The following CNTN4 variants were observed in gnomAD, a reference collection of about 807,000 sequenced individuals.
The protein encoded by CNTN4 is contactin-4.
In CNTN4, 77 loss-of-function variants were observed where a neutral mutation model predicts 122.5. That is an observed-to-expected ratio of 0.63 (90% CI 0.52 to 0.76). The LOEUF (loss-of-function observed/expected upper bound fraction) is 0.76. CNTN4 is among the 30% of genes least tolerant of loss of function. The pLI, the probability that CNTN4 is intolerant of heterozygous loss-of-function variation, is 0.00. For synonymous variants in CNTN4, 512 were observed against 447.0 expected, an observed-to-expected ratio of 1.15 and a Z score of -1.83; for missense variants, 1,256 against 1,259.1, an observed-to-expected ratio of 1.00 and a Z score of 0.04.
Position 3,037,289 on chromosome 3 carries a change from C to G in CNTN4, c.2053C>G (p.Pro685Ala). 2 of 1,614,102 alleles carry G rather than the reference C, an allele frequency of 1.2e-6. No individual in the cohort carries two copies. Among genetic ancestry groups the G allele is most frequent in the Non-Finnish European group, 1.7e-6 (2 of 1,180,026 alleles). The change falls in exon 18 of 25, where the codon CCC becomes GCC. Residue 685 changes from proline to alanine, a missense_variant. Coordinates refer to ENST00000418658, the MANE Select transcript of CNTN4 (RefSeq NM_175607.3). ...VAANVIGIGE[P>A]SRPSEKRRTE... The stretch of plus-strand genomic sequence containing the variant: ...AGCCAACGTGATTGGGATTGGGGAG[C>G]CCAGCCGCCCCTCAGAGAAACGGAG...
At chr3:2,868,507 C>T (rs1209710868) in intron 8 of CNTN4, among the ~76,000 whole-genome samples, 1 of 152,126 alleles carries the variant, frequency 6.6e-6, no homozygotes, top group Non-Finnish European at 1.5e-5. Context: ...AACTTTGTGC[C>T]CAAGTGATGC....
chr3:2,691,788 A>C (rs2085753971), intron 4 of CNTN4, among the ~76,000 whole-genome samples: 1 of 152,220 alleles, frequency 6.6e-6, no homozygotes, highest in African/African-American at 2.4e-5. Context: ...TGCTGCAAAA[A>C]TGTGCAAGCA....
At chr3:2,558,960 T>C (rs971009343) in intron 3 of CNTN4, among the ~76,000 whole-genome samples, 3 of 152,190 alleles carry the variant, frequency 2.0e-5, no homozygotes, top group Admixed American at 1.3e-4. Flanking sequence ...ATCTGTTATA[T>C]ATGTGACAGG....
chr3:2,895,819 G>A (rs763012904), intron 10 of CNTN4, among the ~76,000 whole-genome samples: 59 of 152,310 alleles, frequency 3.9e-4, no homozygotes, highest in Non-Finnish European at 7.5e-4. Flanking sequence ...CGGATCACAA[G>A]GTCAGGAGAT....
intron 6 of CNTN4, among the ~76,000 whole-genome samples, chr3:2,749,968 A>G (rs2090010879): frequency 6.6e-6 from 1 of 152,190 alleles, no homozygotes; most frequent in African/African-American, 2.4e-5. Context: ...GGAAAAAAAA[A>G]TGTTGCTTTT....
At chr3:2,428,168 G>T (rs1260822200) in intron 3 of CNTN4, among the ~76,000 whole-genome samples, 1 of 152,264 alleles carries the variant, frequency 6.6e-6, no homozygotes, top group South Asian at 2.1e-4. Context: ...TCCTAGCCTC[G>T]ATGGTCTTTA....
rs1392415806 is a variant in CNTN4 at position 2,319,075 on chromosome 3, T to G, written c.-144-20103T>G. Reference sequence around the variant, plus strand: ...ATTTGTTCTTGCCTGTTACTACTATTTAGAATTTTGCAATTTTATTATACC... The same window carrying G: ...ATTTGTTCTTGCCTGTTACTACTATGTAGAATTTTGCAATTTTATTATACC... On this transcript the variant is annotated intron_variant, in intron 2 of 24. Coordinates refer to ENST00000418658, the MANE Select transcript of CNTN4 (RefSeq NM_175607.3). Among the ~76,000 whole-genome samples the G allele has an allele frequency of 3.9e-5, 6 of 152,296 alleles. No homozygotes were observed. The East Asian group carries it at 5.8e-4, about 15-fold the overall frequency.
intron 3 of CNTN4, among the ~76,000 whole-genome samples, chr3:2,346,703 C>G (rs1049416141): frequency 2.6e-5 from 4 of 152,118 alleles, no homozygotes; most frequent in African/African-American, 9.7e-5. Context: ...TGCTGTTAGT[C>G]AAATTGATAT....
intron 7 of CNTN4, among the ~76,000 whole-genome samples, chr3:2,837,536 T>C (rs1683893259): frequency 6.6e-6 from 1 of 152,220 alleles, no homozygotes; most frequent in Non-Finnish European, 1.5e-5. Context: ...ACGGTCAGAC[T>C]ACTTGGCTTT....
At chr3:2,354,487 C>T (rs1167568247) in intron 3 of CNTN4, among the ~76,000 whole-genome samples, 1 of 152,132 alleles carries the variant, frequency 6.6e-6, no homozygotes, top group African/African-American at 2.4e-5. Context: ...GCCCAGATCG[C>T]ACCACTGCAC....
chr3:2,788,551 C>T (rs2091911442), intron 6 of CNTN4, among the ~76,000 whole-genome samples: 3 of 152,112 alleles, frequency 2.0e-5, no homozygotes, highest in African/African-American at 7.2e-5. Flanking sequence ...TTTTTAAATA[C>T]TATTATTTGG....
chr3:2,537,792 A>T (rs916632337), intron 3 of CNTN4, among the ~76,000 whole-genome samples: 1 of 152,058 alleles, frequency 6.6e-6, no homozygotes, highest in Non-Finnish European at 1.5e-5. Context: ...CATCATAAAC[A>T]TTTACTTCAG....
chr3:2,174,197 G>T (rs771869122), intron 2 of CNTN4, among the ~76,000 whole-genome samples: 1 of 152,114 alleles, frequency 6.6e-6, no homozygotes, highest in Non-Finnish European at 1.5e-5. Context: ...TGTCTTTTCC[G>T]TGGAAAAGAG....
intron 3 of CNTN4, among the ~76,000 whole-genome samples, chr3:2,558,242 A>G (rs897998376): frequency 1.3e-5 from 2 of 152,158 alleles, no homozygotes; most frequent in African/African-American, 2.4e-5. Flanking sequence ...GAAAACTGAC[A>G]TTGGTATAAC....
chr3:2,170,299 GACACACCAAGACTCCGTCTCAA>G (rs1175252147), intron 2 of CNTN4, among the ~76,000 whole-genome samples: 9 of 151,852 alleles, frequency 5.9e-5, no homozygotes, highest in Non-Finnish European at 1.3e-4. Flanking sequence ...CAGCCTGGGC[GACACACCAAGACTCCGTCTCAA>G]AACAAAAAAA....
chr3:2,602,755 A>G (rs543968133), intron 4 of CNTN4, among the ~76,000 whole-genome samples: 1 of 152,328 alleles, frequency 6.6e-6, no homozygotes, highest in African/African-American at 2.4e-5. Flanking sequence ...TCACCCAAGG[A>G]TTACAAGCAT....
chr3:2,339,815 A>G (rs954281166), intron 3 of CNTN4, among the ~76,000 whole-genome samples: 1 of 152,196 alleles, frequency 6.6e-6, no homozygotes, highest in Non-Finnish European at 1.5e-5. Flanking sequence ...AACAATGGAA[A>G]CTTATTCTCT....
chr3:2,788,653 AG>A (rs1404086893), intron 6 of CNTN4, among the ~76,000 whole-genome samples: 3 of 152,198 alleles, frequency 2.0e-5, no homozygotes, highest in Non-Finnish European at 4.4e-5. Flanking sequence ...CCTATTCTAA[AG>A]GTCAAATTAA....
intron 14 of CNTN4, among the ~76,000 whole-genome samples, chr3:3,006,668 AAC>A (rs1217919366): frequency 6.6e-6 from 1 of 152,184 alleles, no homozygotes; most frequent in Non-Finnish European, 1.5e-5. Context: ...ACCAAGGAAA[AAC>A]AGAGGTCGTC....
Sources: allele counts gnomAD v4.1 joint callset (sites outside exome capture counted in the v4.1 genomes callset), GRCh38; gene constraint gnomAD v4.1.1; transcripts MANE v1.5; gene names NCBI Gene and HGNC (gene_info 2026-07-23, HGNC 2026-07-21).